PLA2G4D: variants seen among roughly 807,000 people sequenced by gnomAD.
The protein encoded by PLA2G4D is cytosolic phospholipase A2 delta.
A neutral mutation model predicts 94.4 loss-of-function variants in PLA2G4D; 80 were observed. The observed-to-expected ratio is 0.85, with a 90% confidence interval of 0.71 to 1.02. PLA2G4D has a LOEUF of 1.02. PLA2G4D is among the 50% of genes least tolerant of loss of function. The pLI, the probability that PLA2G4D is intolerant of heterozygous loss-of-function variation, is 0.00. For synonymous variants in PLA2G4D, 438 were observed against 440.9 expected, an observed-to-expected ratio of 0.99 and a Z score of 0.08; for missense variants, 1,050 against 1,034.7, an observed-to-expected ratio of 1.01 and a Z score of -0.20.
rs567055587 is a variant in PLA2G4D, at chr15:42,067,709, C to T, written c.*1006G>A. The T allele has an allele frequency of 2.0e-5, 3 of 152,146 alleles. No homozygotes were observed. Among genetic ancestry groups the T allele is most frequent in the Admixed American group, 2.0e-4 (3 of 15,294 alleles). 9.4% of individuals were successfully genotyped at this position (152,146 alleles called of 1,614,324 possible). The stretch of plus-strand genomic sequence containing the variant: ...ACATTAATAAAATACACGACAAAAC[C>T]ACATGATCATGCCCATAGACACAGA... On this transcript the variant is annotated 3_prime_UTR_variant, in exon 20 of 20. Coordinates refer to ENST00000290472, the MANE Select transcript of PLA2G4D (RefSeq NM_178034.4).
At chr15:42,079,834 G>A (rs551295205) in intron 12 of PLA2G4D, 75 bp from the exon 13 acceptor site, 1,293 of 1,442,748 alleles carry the variant, frequency 9.0e-4, no homozygotes, top group Non-Finnish European at 1.0e-3. Flanking sequence ...CTTCCCACTC[G>A]GCAGCTTCTC....
chr15:42,075,229 A>G (rs903377566), intron 13 of PLA2G4D, among the ~76,000 whole-genome samples: 1 of 152,266 alleles, frequency 6.6e-6, no homozygotes, highest in African/African-American at 2.4e-5. Flanking sequence ...ATGTCTATAA[A>G]GCTTGCACAT....
intron 13 of PLA2G4D, among the ~76,000 whole-genome samples, chr15:42,073,690 T>C (rs563325216): frequency 7.2e-5 from 11 of 152,338 alleles, no homozygotes; most frequent in East Asian, 3.9e-4. Context: ...TGCGGACTTC[T>C]GGGTCTCCCC....
At chr15:42,071,633 C>T (rs561134526) in intron 15 of PLA2G4D, 82 bp from the exon 16 acceptor site, 36 of 1,494,220 alleles carry the variant, frequency 2.4e-5, no homozygotes, top group South Asian at 1.8e-4. Context: ...GGGAGTGGGG[C>T]GAGGGCTACC....
At chr15:42,086,796 G>C (rs1466603710) in intron 3 of PLA2G4D, among the ~76,000 whole-genome samples, 1 of 152,166 alleles carries the variant, frequency 6.6e-6, no homozygotes, top group Non-Finnish European at 1.5e-5. Context: ...AGGTTGCAGT[G>C]AGCCCAGTTC....
intron 13 of PLA2G4D, among the ~76,000 whole-genome samples, 198 bp downstream of exon 13, chr15:42,079,339 C>T (rs966452468): frequency 6.6e-6 from 1 of 152,240 alleles, no homozygotes; most frequent in Non-Finnish European, 1.5e-5. Flanking sequence ...TTTGGGAGAT[C>T]CAGAAATTTC....
chr15:42,093,540 G>T (rs529759411), intron 1 of PLA2G4D, among the ~76,000 whole-genome samples: 26 of 152,310 alleles, frequency 1.7e-4, no homozygotes, highest in African/African-American at 6.0e-4. Flanking sequence ...GTCCGCTGAT[G>T]TCTGACTCGT....
intron 3 of PLA2G4D, 34 bp from the exon 4 acceptor site, chr15:42,086,378 C>T (rs1890148920): frequency 1.2e-6 from 2 of 1,609,424 alleles, no homozygotes. Flanking sequence ...AGCATTTTAC[C>T]TGCTCATAGT....
chr15:42,070,534 G>A (rs1372800357), intron 18 of PLA2G4D, 183 bp downstream of exon 18: 6 of 708,192 alleles, frequency 8.5e-6, no homozygotes, highest in Admixed American at 3.0e-5. Flanking sequence ...GGAGCCCAAG[G>A]CCCCTGCACC....
rs753508253 is a variant in PLA2G4D, at chr15:42,079,689, G to A, written c.1165C>T (p.Arg389Trp). The A allele has an allele frequency of 7.4e-6, 12 of 1,612,516 alleles. No homozygotes were observed. The South Asian group carries it at 1.1e-4, about 15-fold the overall frequency. Residue 389 changes from arginine to tryptophan, a missense_variant, in exon 13 of 20, where the codon CGG becomes TGG. By Grantham distance (101) the Arg-to-Trp change is moderately radical. Coordinates refer to ENST00000290472, the MANE Select transcript of PLA2G4D (RefSeq NM_178034.4). ...RDLEGPIRYA[R>W]EHLAKSKLEV... The stretch of plus-strand genomic sequence containing the variant: ...AGCTTGCTCTTGGCCAGGTGCTCCC[G>A]GGCGTATCTGATAGGTCCCTCCAGG...
chr15:42,087,262 C>T (rs762207331), intron 3 of PLA2G4D, 38 bp downstream of exon 3: 21 of 1,613,078 alleles, frequency 1.3e-5, no homozygotes, highest in East Asian at 2.2e-5. Flanking sequence ...GGGTCCAGCC[C>T]GTTCACAAGG....
At chr15:42,081,653 C>A in intron 10 of PLA2G4D, 39 bp from the exon 11 acceptor site, 1 of 1,611,328 alleles carries the variant, frequency 6.2e-7, no homozygotes, top group Non-Finnish European at 8.5e-7. Context: ...GGGACACCTG[C>A]ATAGCTCAGC....
At position 42,070,100 on chromosome 15, in the gene PLA2G4D, T is replaced by G. The variant is rs12906547; in HGVS notation, c.2044-5A>C. 0.35 allele frequency: 519,571 copies of G among 1,494,514 alleles called. 94,028 individuals are homozygous for G. The highest frequency in any genetic ancestry group is 0.48 in the Admixed American group (20,020 of 41,672). 92.6% of individuals were successfully genotyped at this position (1,494,514 alleles called of 1,614,324 possible). The stretch of plus-strand genomic sequence containing the variant: ...CAGCTCCGTCTGCTGCAGTGCCTGG[T>G]GGGGAGAAGGTGGCCCGGAGAGAAC... On this transcript the variant is annotated splice_polypyrimidine_tract_variant and splice_region_variant and intron_variant, in intron 18 of 19. Transcript: ENST00000290472.
rs112034719 is a variant in PLA2G4D at position 42,087,816 on chromosome 15, C to A, written c.46-116G>T. 5.6e-4 allele frequency: 615 copies of A among 1,094,876 alleles called. 2 individuals are homozygous for A. Among genetic ancestry groups the A allele is most frequent in the Middle Eastern group, 5.4e-3 (27 of 4,976 alleles). The allele number at this position is 1,094,876 out of a possible 1,614,324, so 67.8% of individuals were successfully genotyped here. A position where few individuals can be genotyped will look rare whatever the true frequency, so the allele number is the denominator to read the frequency against. On this transcript the variant is annotated intron_variant, in intron 1 of 19. Coordinates refer to ENST00000290472, the MANE Select transcript of PLA2G4D (RefSeq NM_178034.4). ...CTCCTGGTACTTGGTGGTGCTGACA[C>A]CCCTGCCAGGCGTTCCGGGGACACC...
At chr15:42,085,287 G>C (rs1368603315) in intron 5 of PLA2G4D, 149 bp from the exon 6 acceptor site, 1 of 1,057,456 alleles carries the variant, frequency 9.5e-7, no homozygotes, top group African/African-American at 1.6e-5. Flanking sequence ...GGAGGAGAGG[G>C]GAGGGGAGAG....
chr15:42,094,187 G>A (rs76779748), intron 1 of PLA2G4D, among the ~76,000 whole-genome samples: 12,086 of 152,162 alleles, frequency 0.079, 574 homozygotes, highest in Middle Eastern at 0.14. Flanking sequence ...TGCTGTGGTC[G>A]CTGGTGGTGG....
chr15:42,071,443 C>T lies in PLA2G4D; in HGVS notation c.1681+1G>A, dbSNP rs1396785119. 6.2e-7 allele frequency: 1 copy of T among 1,610,246 alleles called. No homozygotes were observed. Among genetic ancestry groups the T allele is most frequent in the Non-Finnish European group, 8.5e-7 (1 of 1,177,746 alleles). Reference sequence around the variant, plus strand: ...CCCCTCAGTGCCCCTGCCCTTCCCACCTAAGCTCCTGGTCTTGTCCTTGAT... The same window carrying T: ...CCCCTCAGTGCCCCTGCCCTTCCCATCTAAGCTCCTGGTCTTGTCCTTGAT... On this transcript the variant is annotated splice_donor_variant, in intron 16 of 19. Coordinates refer to ENST00000290472, the MANE Select transcript of PLA2G4D (RefSeq NM_178034.4). LOFTEE classifies it high-confidence loss of function.
chr15:42,086,194 T>TGGGGGGGGGGCCCCC lies in PLA2G4D; in HGVS notation c.387+18_387+19insGGGGGCCCCCCCCCC. On this transcript the variant is annotated intron_variant, in intron 4 of 19. Coordinates refer to ENST00000290472, the MANE Select transcript of PLA2G4D (RefSeq NM_178034.4). Reference sequence around the variant, plus strand: ...GGAAGAAGTGGGGCCCACGGGGACTTCCCCACCCACCCACCCACCTGGGGA... The same window carrying TGGGGGGGGGGCCCCC: ...GGAAGAAGTGGGGCCCACGGGGACTTGGGGGGGGGGCCCCCCCCCACCCACCCACCCACCTGGGGA... 7 of 1,370,440 alleles carry TGGGGGGGGGGCCCCC rather than the reference T, an allele frequency of 5.1e-6. No homozygotes were observed. The highest frequency in any genetic ancestry group is 5.8e-6 in the Non-Finnish European group (6 of 1,043,080). 84.9% of individuals were successfully genotyped at this position (1,370,440 alleles called of 1,614,324 possible).
intron 1 of PLA2G4D, 81 bp from the exon 2 acceptor site, chr15:42,087,781 C>A (rs752462503): frequency 7.1e-7 from 1 of 1,408,364 alleles, no homozygotes; most frequent in Non-Finnish European, 9.8e-7. Flanking sequence ...TGCCGACACC[C>A]CTCACCACTC....
Sources: gnomAD v4.1 joint callset for allele counts (sites outside exome capture counted in the v4.1 genomes callset) on GRCh38, gnomAD v4.1.1 for gene constraint, MANE v1.5 for transcripts, NCBI Gene and HGNC (gene_info 2026-07-23, HGNC 2026-07-21) for gene names.